TCP11L2: variants seen among roughly 807,000 people sequenced by gnomAD.
The protein encoded by TCP11L2 is t-complex 11 like 2.
In TCP11L2, 39 loss-of-function variants were observed where a neutral mutation model predicts 50.7. That is an observed-to-expected ratio of 0.77 (90% confidence interval 0.60 to 1.01). TCP11L2 has a LOEUF of 1.01. TCP11L2 is among the 50% of genes least tolerant of loss of function. The pLI is 0.00. For synonymous variants in TCP11L2, 192 were observed against 219.3 expected, an observed-to-expected ratio of 0.88 and a Z score of 1.10; for missense variants, 612 against 614.7, an observed-to-expected ratio of 1.00 and a Z score of 0.05.
intron 4 of TCP11L2, among the ~76,000 whole-genome samples, chr12:106,318,903 T>A (rs866264848): frequency 1.2e-4 from 18 of 148,370 alleles, no homozygotes; most frequent in East Asian, 3.9e-4. Flanking sequence ...TTTATTTTTT[T>A]TTTTTTTTTT....
At chr12:106,339,330 G>A (rs1028442612) in intron 8 of TCP11L2, among the ~76,000 whole-genome samples, 3 of 152,080 alleles carry the variant, frequency 2.0e-5, no homozygotes, top group Non-Finnish European at 4.4e-5. Context: ...TAATGAGGTC[G>A]TTTTTTGCTT....
intron 6 of TCP11L2, chr12:106,329,944 G>A (rs2035688814): frequency 1.0e-6 from 1 of 985,660 alleles, no homozygotes; most frequent in South Asian, 4.7e-5. Flanking sequence ...GTGGCAAACA[G>A]AACTACTCAT....
upstream of TCP11L2, among the ~76,000 whole-genome samples, chr12:106,298,881 A>C (rs1279159325): frequency 6.6e-6 from 1 of 151,034 alleles, no homozygotes; most frequent in Non-Finnish European, 1.5e-5. Context: ...GCAATGGTGC[A>C]ATCCTGGCTC....
At position 106,321,615 on chromosome 12, in the gene TCP11L2, G is replaced by A. The variant is rs2035339195; in HGVS notation, c.544G>A (p.Val182Ile). The part of the protein sequence containing the change: ...AVDIQGLANY[V>I]ISTMGKLCAP... ...TGACATCCAAGGCCTGGCCAACTATGTCATCAGTACGATGGGAAAGCTGTG... is the reference window on the plus strand; with the variant it reads ...TGACATCCAAGGCCTGGCCAACTATATCATCAGTACGATGGGAAAGCTGTG... The change falls in exon 5 of 10, where the codon GTC becomes ATC. Residue 182 changes from valine (V) to isoleucine (I), a missense_variant. Physicochemically the swap from Val to Ile is conservative, Grantham distance 29. Coordinates refer to ENST00000299045, the MANE Select transcript of TCP11L2 (RefSeq NM_152772.3). 1 of 1,614,084 alleles carries A rather than the reference G, an allele frequency of 6.2e-7. No individual in the cohort carries two copies. Among genetic ancestry groups the A allele is most frequent in the African/African-American group, 1.3e-5 (1 of 74,924 alleles).
upstream of TCP11L2, among the ~76,000 whole-genome samples, chr12:106,297,985 G>A (rs551271411): frequency 6.6e-6 from 1 of 152,198 alleles, no homozygotes; most frequent in Non-Finnish European, 1.5e-5. Flanking sequence ...AAGAGGAAGG[G>A]GCCCAGGGTG....
chr12:106,332,446 A>G (rs1463972752), intron 6 of TCP11L2, among the ~76,000 whole-genome samples: 4 of 152,236 alleles, frequency 2.6e-5, no homozygotes, highest in South Asian at 2.1e-4. Flanking sequence ...TGGTATATCC[A>G]TACAATAGAA....
At chr12:106,305,278 G>A (rs2034583062) in intron 1 of TCP11L2, among the ~76,000 whole-genome samples, 1 of 151,674 alleles carries the variant, frequency 6.6e-6, no homozygotes. Context: ...ACTTATCATA[G>A]AACAGTTATT....
At chr12:106,309,867 A>T (rs1565837677) in intron 1 of TCP11L2, among the ~76,000 whole-genome samples, 1 of 152,038 alleles carries the variant, frequency 6.6e-6, no homozygotes, top group Non-Finnish European at 1.5e-5. Context: ...CAGACATACT[A>T]TACATAGTTG....
rs1233486519 is a variant in TCP11L2, at chr12:106,311,127, T to A, written c.52T>A (p.Ser18Thr). Residue 18 changes from serine to threonine, a missense_variant, in exon 2 of 10, where the codon TCT (serine) becomes ACT (threonine). Transcript: ENST00000299045. ...TGTGGGAGAGGACCAGCCAAGCGAT[T>A]CTGATTCTTCCCGGTTTTCCGAAAG... Reference protein sequence around the residue: ...QCVGEDQPSDSDSSRFSESMA... With the variant: ...QCVGEDQPSDTDSSRFSESMA... The A allele has an allele frequency of 8.1e-6, 13 of 1,614,094 alleles. No homozygotes were observed. The highest frequency in any genetic ancestry group is 1.1e-5 in the Non-Finnish European group (13 of 1,180,044).
In TCP11L2 at chr12:106,312,256, C is replaced by CTTTTTTTTTTTTTTTTTTTTTTTTTTTTT. The variant is rs1565839680; in HGVS notation, c.157+1024_157+1025insTTTTTTTTTTTTTTTTTTTTTTTTTTTTT. The CTTTTTTTTTTTTTTTTTTTTTTTTTTTTT allele has an allele frequency of 6.4e-6, 2 of 310,264 alleles. 1 individual carries two copies. The highest frequency in any genetic ancestry group is 1.2e-5 in the Non-Finnish European group (2 of 172,704). 19.2% of individuals were successfully genotyped at this position (310,264 alleles called of 1,614,324 possible). A position where few individuals can be genotyped will look rare whatever the true frequency, so the allele number is the denominator to read the frequency against. ...GATTAATCACTGGACATTTAGTTTC[C>CTTTTTTTTTTTTTTTTTTTTTTTTTTTTT]ATTTTTTTTTTTTTTTTTTTTTGCT... is the stretch of plus-strand genomic sequence containing the variant. On this transcript the variant is annotated intron_variant, in intron 2 of 9. Transcript: ENST00000299045.
chr12:106,344,886 G>A (rs1370098456), intron 9 of TCP11L2, among the ~76,000 whole-genome samples: 1 of 152,170 alleles, frequency 6.6e-6, no homozygotes, highest in Non-Finnish European at 1.5e-5. Context: ...AATACATTGA[G>A]GCAGTGATGC....
Position 106,302,779 on chromosome 12 carries a change from G to C in TCP11L2, c.-198G>C, listed in dbSNP as rs10861574. 0.35 allele frequency: 53,606 copies of C among 152,356 alleles called. 9,501 individuals are homozygous for C. The highest frequency in any genetic ancestry group is 0.38 in the African/African-American group (15,808 of 41,404). The allele number at this position is 152,356 out of a possible 1,614,324, so 9.4% of individuals were successfully genotyped here. On this transcript the variant is annotated 5_prime_UTR_variant, in exon 1 of 10. Coordinates refer to ENST00000299045, the MANE Select transcript of TCP11L2 (RefSeq NM_152772.3). ...TGGCTGCCTCCCTAGAGTCCCTCAGGGCCCTTTAAATACCGCGTTGGGGGG... is the reference window on the plus strand; with the variant it reads ...TGGCTGCCTCCCTAGAGTCCCTCAGCGCCCTTTAAATACCGCGTTGGGGGG...
upstream of TCP11L2, among the ~76,000 whole-genome samples, chr12:106,302,411 C>CCCGCTCAGCCT (rs2034449446): frequency 7.3e-6 from 1 of 136,734 alleles, no homozygotes; most frequent in Non-Finnish European, 1.6e-5. Flanking sequence ...CCGCTCAGCC[C>CCCGCTCAGCCT]CCGCTCCCCC....
At chr12:106,305,610 C>T (rs1044217955) in intron 1 of TCP11L2, among the ~76,000 whole-genome samples, 1 of 152,148 alleles carries the variant, frequency 6.6e-6, no homozygotes. Flanking sequence ...AGGAGTGTGG[C>T]GTAATTAGTT....
chr12:106,307,326 T>C (rs2034673749), intron 1 of TCP11L2: 1 of 152,210 alleles, frequency 6.6e-6, no homozygotes. Flanking sequence ...TCATCTTCAG[T>C]CTTTTCTGTT....
rs2136641643 is a variant in TCP11L2, at chr12:106,312,636, A to C, written c.157+1404A>C. 2.6e-5 allele frequency among the ~76,000 whole-genome samples: 4 copies of C among 152,270 alleles called. No homozygotes were observed. In the East Asian group the frequency reaches 7.7e-4, roughly 29 times the overall value. ...AGTGGCTCACACCTGTAATCCCAGC[A>C]CTTTGAGAGGCTGAGGCAGGCAAAT... On this transcript the variant is annotated intron_variant, in intron 2 of 9. Transcript: ENST00000299045.
At chr12:106,341,094 A>T in intron 9 of TCP11L2, 96 bp downstream of exon 9, 2 of 984,320 alleles carry the variant, frequency 2.0e-6, no homozygotes, top group Non-Finnish European at 3.0e-6. Flanking sequence ...TCTTAAACAC[A>T]TTACCCACTT....
intron 8 of TCP11L2, among the ~76,000 whole-genome samples, chr12:106,340,306 T>C (rs1438768860): frequency 6.6e-6 from 1 of 152,260 alleles, no homozygotes; most frequent in African/African-American, 2.4e-5. Context: ...ACTTGAATAA[T>C]GTGAAGGAGC....
intron 8 of TCP11L2, among the ~76,000 whole-genome samples, chr12:106,337,005 C>A (rs1205402443): frequency 6.6e-6 from 1 of 152,182 alleles, no homozygotes; most frequent in Non-Finnish European, 1.5e-5. Flanking sequence ...CAGTATTACA[C>A]CTTCATGAAT....
Sources: allele counts gnomAD v4.1 joint callset (sites outside exome capture counted in the v4.1 genomes callset), GRCh38; gene constraint gnomAD v4.1.1; transcripts MANE v1.5; gene names NCBI Gene and HGNC (gene_info 2026-07-23, HGNC 2026-07-21).